Variants in DLC1 observed in about 807,000 individuals in gnomAD.
DLC1 encodes the protein rho GTPase-activating protein 7.
In DLC1, 54 loss-of-function variants were observed where a neutral mutation model predicts 140.3. The observed-to-expected ratio is 0.38, with a 90% CI of 0.31 to 0.48. The LOEUF is 0.48. Among genes scored for constraint, DLC1 ranks in the 20% least tolerant of loss-of-function variants. The probability of loss-of-function intolerance (pLI) is 0.96; values close to 1 mark genes in which losing one functional copy is unlikely to be tolerated. For synonymous variants in DLC1, 986 were observed against 728.1 expected (o/e 1.35, Z -5.70); for missense variants, 2,536 against 1,907.0 (o/e 1.33, Z -6.14).
chr8:13,115,500 G>A (rs1820473907), intron 6 of DLC1, 86 bp downstream of exon 6: 2 of 1,222,108 alleles, frequency 1.6e-6, no homozygotes, highest in Non-Finnish European at 2.3e-6. Context: ...CGATAAAACT[G>A]CTGAAAATAA....
chr8:13,280,167 A>AGTCCCAGC lies in DLC1; in HGVS notation c.1348+25094_1348+25101dup, dbSNP rs545344081. 1.5e-4 allele frequency among the ~76,000 whole-genome samples: 22 copies of AGTCCCAGC among 151,264 alleles called. No homozygotes were observed. In the East Asian group the frequency reaches 4.3e-3, roughly 30 times the overall value. Reference sequence around the variant, plus strand: ...GCCGGGCGTGGTGGCAGGTACCTATAGTCCCAGCTACTCAGGAGGCTGAGG... The same window carrying AGTCCCAGC: ...GCCGGGCGTGGTGGCAGGTACCTATAGTCCCAGCGTCCCAGCTACTCAGGAGGCTGAGG... On this transcript the variant is annotated intron_variant, in intron 5 of 17. Transcript: ENST00000276297.
At chr8:13,339,883 T>C (rs544697678) in intron 4 of DLC1, 16 of 152,324 alleles carry the variant, frequency 1.1e-4, no homozygotes, top group African/African-American at 3.4e-4. Flanking sequence ...CAAATATTGA[T>C]TGAATGTCCG....
chr8:13,519,385 C>T (rs190149517), upstream of DLC1, among the ~76,000 whole-genome samples: 1,512 of 152,264 alleles, frequency 9.9e-3, 29 homozygotes, highest in African/African-American at 0.035. Context: ...GCCTTGGCCT[C>T]CCAAAGTGCT....
intron 5 of DLC1, among the ~76,000 whole-genome samples, chr8:13,158,777 CTCTGTCTTATTTT>C (rs1205394395): frequency 8.4e-6 from 1 of 119,418 alleles, no homozygotes; most frequent in Non-Finnish European, 1.7e-5. Context: ...TCTTTTTTTC[CTCTGTCTTATTTT>C]TCTTTGACAC....
chr8:13,312,921 A>G (rs974219323), intron 4 of DLC1, among the ~76,000 whole-genome samples: 1 of 152,216 alleles, frequency 6.6e-6, no homozygotes, highest in Non-Finnish European at 1.5e-5. Context: ...ACTTATTCAG[A>G]GACCAATTGA....
At chr8:13,545,295 C>G (rs180917944) in intron 1 of DLC1, among the ~76,000 whole-genome samples, 39 of 150,220 alleles carry the variant, frequency 2.6e-4, no homozygotes, top group African/African-American at 8.0e-4. Flanking sequence ...ATGTAAAGAT[C>G]TTATACTATA....
rs74799728 is a variant in DLC1 at position 13,597,265 on chromosome 8, T to A, written c.-126+7272A>T. ...TGTCAGCTTATATCTCACATTTTAT[T>A]GCAACTGACATTGGACAATTTTGAA... On this transcript the variant is annotated intron_variant, in intron 1 of 1. Transcript: ENST00000631382. Among the ~76,000 whole-genome samples, 565 of 152,158 alleles carry A rather than the reference T, an allele frequency of 3.7e-3. 5 individuals carry two copies. The highest frequency in any genetic ancestry group is 0.013 in the African/African-American group (541 of 41,538).
chr8:13,090,705 G>C (rs376905493), intron 14 of DLC1, among the ~76,000 whole-genome samples: 132 of 152,312 alleles, frequency 8.7e-4, no homozygotes, highest in African/African-American at 3.1e-3. Context: ...TGGAAAGTTA[G>C]AGTAGGGGGA....
At chr8:13,553,624 A>T (rs550033767) in intron 1 of DLC1, among the ~76,000 whole-genome samples, 1 of 151,946 alleles carries the variant, frequency 6.6e-6, no homozygotes, top group East Asian at 2.0e-4. Flanking sequence ...AAGTGCTTGG[A>T]TTGCAGGCAT....
intron 1 of DLC1, among the ~76,000 whole-genome samples, chr8:13,529,145 A>C (rs1397885145): frequency 6.6e-6 from 1 of 152,206 alleles, no homozygotes; most frequent in East Asian, 1.9e-4. Flanking sequence ...CTTAAAATAA[A>C]ATGGGCCAAA....
At chr8:13,331,467 G>A (rs1833586087) in intron 4 of DLC1, among the ~76,000 whole-genome samples, 1 of 152,108 alleles carries the variant, frequency 6.6e-6, no homozygotes, top group South Asian at 2.1e-4. Flanking sequence ...GTTGAGGACT[G>A]GTTATTATGA....
chr8:13,378,251 A>G (rs1045509292), intron 4 of DLC1, among the ~76,000 whole-genome samples: 12 of 150,562 alleles, frequency 8.0e-5, no homozygotes, highest in African/African-American at 1.5e-4. Context: ...CCAGAAAAAA[A>G]TCTTAGTAAT....
At chr8:13,527,196 G>A (rs972035342) in intron 1 of DLC1, among the ~76,000 whole-genome samples, 5 of 152,150 alleles carry the variant, frequency 3.3e-5, no homozygotes, top group African/African-American at 1.2e-4. Context: ...TTGAACAACA[G>A]CTTTCATAAC....
chr8:13,399,877 C>G (rs7014753), intron 3 of DLC1, among the ~76,000 whole-genome samples: 1 of 151,932 alleles, frequency 6.6e-6, no homozygotes, highest in Non-Finnish European at 1.5e-5. Flanking sequence ...GAGTGTTTCA[C>G]TTTGTGTCTT....
intron 5 of DLC1, among the ~76,000 whole-genome samples, chr8:13,166,103 T>C (rs151142748): frequency 1.1e-3 from 160 of 152,262 alleles, no homozygotes; most frequent in Non-Finnish European, 1.8e-3. Flanking sequence ...GTTTCCCTAA[T>C]GACAGGATGC....
At chr8:13,340,624 C>A (rs891595456) in intron 4 of DLC1, 2 of 152,122 alleles carry the variant, frequency 1.3e-5, no homozygotes, top group Non-Finnish European at 2.9e-5. Context: ...TAAATTTCTG[C>A]TCCTAATTTC....
chr8:13,543,174 C>T (rs928980937), intron 1 of DLC1, among the ~76,000 whole-genome samples: 101 of 152,052 alleles, frequency 6.6e-4, no homozygotes, highest in Admixed American at 1.2e-3. Flanking sequence ...AATAAATATT[C>T]AATTTAAAAT....
chr8:13,198,391 T>C (rs376311763), intron 5 of DLC1, among the ~76,000 whole-genome samples: 10 of 152,190 alleles, frequency 6.6e-5, no homozygotes, highest in African/African-American at 2.2e-4. Context: ...CCTCTCCCAA[T>C]TGAACAAAAG....
At chr8:13,270,018 C>G (rs2117376301) in intron 5 of DLC1, among the ~76,000 whole-genome samples, 1 of 148,960 alleles carries the variant, frequency 6.7e-6, no homozygotes, top group Admixed American at 6.7e-5. Context: ...GATCGTGCCA[C>G]TGCACTCCAG....
Sources: gnomAD v4.1 joint callset for allele counts (sites outside exome capture counted in the v4.1 genomes callset) on GRCh38, gnomAD v4.1.1 for gene constraint, MANE v1.5 for transcripts, NCBI Gene and HGNC (gene_info 2026-07-23, HGNC 2026-07-21) for gene names.